The following PHLDB2 variants were observed in gnomAD, a reference collection of about 807,000 sequenced individuals.
The protein encoded by PHLDB2 is pleckstrin homology like domain family B member 2, also known as pleckstrin homology-like domain family B member 2.
In PHLDB2, 71 loss-of-function variants were observed where a neutral mutation model predicts 123.6. The observed-to-expected ratio is 0.57, with a 90% CI of 0.47 to 0.70. The LOEUF is 0.70. PHLDB2 is among the 30% of genes least tolerant of loss of function. PHLDB2 has a pLI of 0.00. For synonymous variants in PHLDB2, 547 were observed against 541.6 expected (o/e 1.01, Z -0.14); for missense variants, 1,446 against 1,519.5 (o/e 0.95, Z 0.80).
chr3:111,830,020 A>C (rs372105723), intron 1 of PHLDB2, among the ~76,000 whole-genome samples: 7 of 150,520 alleles, frequency 4.7e-5, no homozygotes, highest in African/African-American at 1.7e-4. Flanking sequence ...TCTACTCTCA[A>C]TTTCAACTTC....
chr3:111,791,005 A>G (rs546548970), intron 1 of PHLDB2, among the ~76,000 whole-genome samples: 32 of 152,282 alleles, frequency 2.1e-4, no homozygotes, highest in Non-Finnish European at 3.2e-4. Context: ...AACCTTTTCC[A>G]TAAATATTTC....
At chr3:111,955,419 C>G (rs980030363) in intron 12 of PHLDB2, among the ~76,000 whole-genome samples, 6 of 151,970 alleles carry the variant, frequency 3.9e-5, no homozygotes, top group African/African-American at 1.5e-4. Flanking sequence ...TGGGTCAAGT[C>G]TATTTGCTGT....
At position 111,743,472 on chromosome 3, in the gene PHLDB2, T is replaced by C. The variant is rs540751192; in HGVS notation, c.-49+10769T>C. ...ATCTGATTTCTACTCAGTTATGAAT[T>C]GAACTTCATTTTTCCTGGGAGCAAC... On this transcript the variant is annotated intron_variant, in intron 1 of 17. Transcript: ENST00000393923. 3.3e-5 allele frequency among the ~76,000 whole-genome samples: 5 copies of C among 152,280 alleles called. 1 individual carries two copies. Among genetic ancestry groups the C allele is most frequent in the African/African-American group, 1.2e-4 (5 of 41,550 alleles).
intron 1 of PHLDB2, among the ~76,000 whole-genome samples, chr3:111,795,822 T>C (rs1186180930): frequency 1.3e-5 from 2 of 152,174 alleles, no homozygotes; most frequent in Non-Finnish European, 2.9e-5. Context: ...CTTCCCGGGA[T>C]CAAGCGATTT....
At chr3:111,904,577 G>A (rs1015228970) in intron 2 of PHLDB2, among the ~76,000 whole-genome samples, 4 of 152,054 alleles carry the variant, frequency 2.6e-5, no homozygotes, top group African/African-American at 9.7e-5. Flanking sequence ...TGGAGATTGG[G>A]AGTTTGGGTG....
At chr3:111,966,763 T>C (rs2071797942) in intron 14 of PHLDB2, 60 bp downstream of exon 14, 1 of 1,334,730 alleles carries the variant, frequency 7.5e-7, no homozygotes, top group East Asian at 2.3e-5. Context: ...GCCCTGCGCT[T>C]GGCATCAGAC....
chr3:111,751,286 A>G (rs1028115862), intron 1 of PHLDB2, among the ~76,000 whole-genome samples: 1 of 152,096 alleles, frequency 6.6e-6, no homozygotes, highest in Non-Finnish European at 1.5e-5. Flanking sequence ...CTATGGCCCA[A>G]TGCCTTTCAC....
intron 2 of PHLDB2, among the ~76,000 whole-genome samples, chr3:111,907,515 G>A (rs2067618203): frequency 6.6e-6 from 1 of 152,014 alleles, no homozygotes; most frequent in African/African-American, 2.4e-5. Flanking sequence ...TTTGTTTTTT[G>A]AGAGAGAGTC....
At chr3:111,880,828 A>G (rs1370964648) in intron 1 of PHLDB2, among the ~76,000 whole-genome samples, 2 of 152,198 alleles carry the variant, frequency 1.3e-5, no homozygotes, top group Non-Finnish European at 2.9e-5. Context: ...CAGGGAATTT[A>G]TATGGTGTCT....
At chr3:111,752,755 C>G (rs1013958004) in intron 1 of PHLDB2, among the ~76,000 whole-genome samples, 1 of 151,658 alleles carries the variant, frequency 6.6e-6, no homozygotes, top group Non-Finnish European at 1.5e-5. Flanking sequence ...CCATTAACTC[C>G]TCATTTAGCA....
chr3:111,839,126 T>C lies in PHLDB2; in HGVS notation c.-48-6695T>C, dbSNP rs537378761. ...TTGTCTCTTCCATTACCCCTGGTAC[T>C]GAGAGGGTGCAAGTGAGGATAAATT... On this transcript the variant is annotated intron_variant, in intron 1 of 17. Coordinates refer to the PHLDB2 transcript ENST00000393923. 2.3e-3 allele frequency among the ~76,000 whole-genome samples: 355 copies of C among 152,266 alleles called. 1 individual carries two copies. The highest frequency in any genetic ancestry group is 7.2e-3 in the African/African-American group (298 of 41,548).
At chr3:111,960,987 C>T (rs2071375007) in intron 12 of PHLDB2, among the ~76,000 whole-genome samples, 1 of 152,154 alleles carries the variant, frequency 6.6e-6, no homozygotes, top group Non-Finnish European at 1.5e-5. Flanking sequence ...AGCAGTAACA[C>T]AAGGTAAAGC....
chr3:111,778,007 T>C (rs1316068301), intron 1 of PHLDB2, among the ~76,000 whole-genome samples: 2 of 152,034 alleles, frequency 1.3e-5, no homozygotes, highest in Admixed American at 6.6e-5. Context: ...GCTGACTATA[T>C]TGTGGAGAGC....
intron 2 of PHLDB2, among the ~76,000 whole-genome samples, chr3:111,853,364 T>C (rs1250734509): frequency 1.3e-5 from 2 of 152,208 alleles, no homozygotes; most frequent in Non-Finnish European, 2.9e-5. Context: ...TGAAAGTACA[T>C]TCATTTTTTA....
intron 1 of PHLDB2, among the ~76,000 whole-genome samples, chr3:111,776,829 C>T (rs1017478215): frequency 2.0e-5 from 3 of 152,102 alleles, no homozygotes; most frequent in Non-Finnish European, 4.4e-5. Context: ...TCCAATCTTT[C>T]TCAGGTAGAG....
chr3:111,867,072 C>T (rs972789109), intron 1 of PHLDB2, among the ~76,000 whole-genome samples: 1 of 151,958 alleles, frequency 6.6e-6, no homozygotes, highest in African/African-American at 2.4e-5. Flanking sequence ...CACTTAGCTA[C>T]CCCACATAAC....
At chr3:111,954,633 C>A (rs1210681899) in intron 12 of PHLDB2, among the ~76,000 whole-genome samples, 1 of 152,102 alleles carries the variant, frequency 6.6e-6, no homozygotes, top group East Asian at 1.9e-4. Flanking sequence ...TAATGTAGTT[C>A]CAGGGCTAAG....
intron 1 of PHLDB2, among the ~76,000 whole-genome samples, chr3:111,829,567 G>A (rs1165293551): frequency 1.3e-5 from 2 of 148,672 alleles, no homozygotes; most frequent in Admixed American, 6.8e-5. Context: ...GGGTTCAAGC[G>A]ATTCTCCTTC....
intron 1 of PHLDB2, among the ~76,000 whole-genome samples, chr3:111,781,084 GT>G (rs2108104200): frequency 6.8e-6 from 1 of 147,856 alleles, no homozygotes; most frequent in East Asian, 1.9e-4. Flanking sequence ...AATGTATGGA[GT>G]TTTCTCTAAA....
Sources: gnomAD v4.1 joint callset for allele counts (sites outside exome capture counted in the v4.1 genomes callset) on GRCh38, gnomAD v4.1.1 for gene constraint, MANE v1.5 for transcripts, NCBI Gene and HGNC (gene_info 2026-07-23, HGNC 2026-07-21) for gene names.